PIGN: variants seen among roughly 807,000 people sequenced by gnomAD.
PIGN encodes the protein GPI ethanolamine phosphate transferase 1.
PIGN carries 117 observed loss-of-function variants against 125.4 expected under a neutral mutation model. The observed-to-expected ratio is 0.93, with a 90% confidence interval of 0.80 to 1.09. PIGN has a LOEUF of 1.09. PIGN is among the 50% of genes least tolerant of loss of function. The pLI is 0.00. For missense variants in PIGN, 1,075 were observed against 1,094.9 expected (o/e 0.98, Z 0.26); for synonymous variants, 392 against 377.8 (o/e 1.04, Z -0.44).
chr18:62,033,694 G>A (rs764177314), intron 23 of PIGN, among the ~76,000 whole-genome samples: 11 of 151,982 alleles, frequency 7.2e-5, no homozygotes, highest in Admixed American at 2.0e-4. Context: ...TTTCTCTCTC[G>A]GAGTCTCTGA....
chr18:62,088,889 A>G, intron 24 of PIGN, 47 bp from the exon 25 acceptor site: 3 of 1,122,310 alleles, frequency 2.7e-6, no homozygotes, highest in Non-Finnish European at 3.9e-6. Context: ...CAGTTGGCTT[A>G]TTTCTATATT....
chr18:62,054,325 A>G (rs1290394587), intron 30 of PIGN, among the ~76,000 whole-genome samples: 1 of 152,046 alleles, frequency 6.6e-6, no homozygotes, highest in African/African-American at 2.4e-5. Flanking sequence ...TCTTAATACA[A>G]AAAGCACAAT....
intron 21 of PIGN, 110 bp downstream of exon 21, chr18:62,102,684 T>C (rs1341277988): frequency 1.8e-5 from 10 of 545,160 alleles, no homozygotes; most frequent in Non-Finnish European, 2.9e-5. Flanking sequence ...AGCTGGCAGA[T>C]ACTAAGTAGC....
Position 62,110,174 on chromosome 18 carries a change from C to T in PIGN, c.1435-201G>A, listed in dbSNP as rs533768072. Reference sequence around the variant, plus strand: ...TATTAGAGAGGAAAAACCTAGATAACCTGGAATTGCTGCAATTAAGCAATT... The same window carrying T: ...TATTAGAGAGGAAAAACCTAGATAATCTGGAATTGCTGCAATTAAGCAATT... On this transcript the variant is annotated intron_variant, in intron 16 of 30. Transcript: ENST00000640252. 3 of 440,090 alleles carry T rather than the reference C, an allele frequency of 6.8e-6. No homozygotes were observed. In the East Asian group the frequency reaches 1.0e-4, roughly 15 times the overall value. The allele number at this position is 440,090 out of a possible 1,614,324, so 27.3% of individuals were successfully genotyped here.
Position 62,140,485 on chromosome 18 carries a change from AAT to A in PIGN, c.964-8_964-7del. The A allele has an allele frequency of 6.6e-7, 1 of 1,512,664 alleles. No individual in the cohort carries two copies. Among genetic ancestry groups the A allele is most frequent in the Non-Finnish European group, 9.1e-7 (1 of 1,102,196 alleles). The allele number at this position is 1,512,664 out of a possible 1,614,324, so 93.7% of individuals were successfully genotyped here. On this transcript the variant is annotated splice_polypyrimidine_tract_variant and splice_region_variant and intron_variant, in intron 11 of 30. Transcript: ENST00000640252. The stretch of plus-strand genomic sequence containing the variant: ...ATCAATGGTGCAATATCAGCCTACA[AAT>A]AAAAAAGCTCAATTCTAAGAAGTCT...
chr18:62,034,758 A>AT (rs2030235647), intron 23 of PIGN, among the ~76,000 whole-genome samples: 1 of 152,146 alleles, frequency 6.6e-6, no homozygotes, highest in Non-Finnish European at 1.5e-5. Flanking sequence ...AGTAATTTTG[A>AT]TTTTACAGGC....
chr18:62,034,965 T>C (rs1399977678), intron 23 of PIGN, among the ~76,000 whole-genome samples: 3 of 152,158 alleles, frequency 2.0e-5, no homozygotes, highest in Non-Finnish European at 4.4e-5. Context: ...CCAAACCACC[T>C]TGAATTGTAA....
chr18:62,074,895 A>C (rs752581471), intron 28 of PIGN, 74 bp from the exon 29 acceptor site: 12 of 993,994 alleles, frequency 1.2e-5, no homozygotes, highest in Non-Finnish European at 1.9e-5. Flanking sequence ...AATCCAAGTG[A>C]GACTAGGCAA....
intron 23 of PIGN, among the ~76,000 whole-genome samples, chr18:62,019,997 C>T (rs1416599978): frequency 1.3e-5 from 2 of 152,210 alleles, no homozygotes; most frequent in African/African-American, 2.4e-5. Flanking sequence ...GTGCAGGGCA[C>T]GGTCCCATTG....
chr18:62,107,392 T>C, intron 17 of PIGN: 2 of 269,920 alleles, frequency 7.4e-6, no homozygotes, highest in Admixed American at 4.9e-5. Flanking sequence ...GTCACAAGTT[T>C]GAGACCAGCC....
At chr18:62,129,311 G>A (rs1248584715) in intron 14 of PIGN, among the ~76,000 whole-genome samples, 1 of 152,124 alleles carries the variant, frequency 6.6e-6, no homozygotes, top group African/African-American at 2.4e-5. Context: ...CCCACCTTAA[G>A]TCCACATTCT....
chr18:62,032,915 C>T (rs2030210471), intron 23 of PIGN, among the ~76,000 whole-genome samples: 1 of 152,188 alleles, frequency 6.6e-6, no homozygotes, highest in Non-Finnish European at 1.5e-5. Context: ...TGAAGAGATA[C>T]AAACACATTC....
intron 25 of PIGN, among the ~76,000 whole-genome samples, chr18:62,085,951 C>T (rs1162446835): frequency 7.9e-5 from 12 of 152,058 alleles, no homozygotes. Context: ...GAGGCAACGC[C>T]GAAGAGGAAG....
At chr18:62,070,585 A>C in intron 30 of PIGN, 2 of 397,052 alleles carry the variant, frequency 5.0e-6, no homozygotes. Flanking sequence ...TGGCAACACA[A>C]AGTGATGAAT....
intron 25 of PIGN, 152 bp downstream of exon 25, chr18:62,088,604 T>G (rs1276825047): frequency 1.8e-6 from 1 of 545,358 alleles, no homozygotes; most frequent in African/African-American, 2.0e-5. Flanking sequence ...TCAAAAAAAT[T>G]TTTAATGTGA....
intron 22 of PIGN, among the ~76,000 whole-genome samples, chr18:62,099,088 C>T (rs778631985): frequency 3.3e-5 from 5 of 151,932 alleles, no homozygotes; most frequent in Admixed American, 2.0e-4. Flanking sequence ...AACAAGCCTA[C>T]GAGTCATGTT....
intron 27 of PIGN, among the ~76,000 whole-genome samples, chr18:62,083,619 C>T (rs2033551736): frequency 6.6e-6 from 1 of 151,980 alleles, no homozygotes; most frequent in Admixed American, 6.6e-5. Context: ...CTTTGTCTTT[C>T]TTTCTTGCTT....
At chr18:62,139,935 C>A (rs1376839453) in intron 12 of PIGN, among the ~76,000 whole-genome samples, 1 of 152,152 alleles carries the variant, frequency 6.6e-6, no homozygotes, top group Non-Finnish European at 1.5e-5. Context: ...AGCAAATCAC[C>A]AATATCTTTT....
chr18:62,124,594 A>G (rs544083993), intron 14 of PIGN, among the ~76,000 whole-genome samples: 2 of 152,278 alleles, frequency 1.3e-5, no homozygotes, highest in Non-Finnish European at 2.9e-5. Flanking sequence ...CTTAAAATCC[A>G]CTACTTTGAG....
Sources: allele counts gnomAD v4.1 joint callset (sites outside exome capture counted in the v4.1 genomes callset), GRCh38; gene constraint gnomAD v4.1.1; transcripts MANE v1.5; gene names NCBI Gene and HGNC (gene_info 2026-07-23, HGNC 2026-07-21).